The following MCF2L variants were observed in gnomAD, a reference collection of about 807,000 sequenced individuals.
MCF2L encodes MCF.2 cell line derived transforming sequence like.
A neutral mutation model predicts 153.4 loss-of-function variants in MCF2L; 97 were observed. The ratio of observed to expected loss-of-function variants is 0.63; its 90% CI spans 0.54 to 0.75. The LOEUF is 0.75. Ranked by LOEUF, MCF2L falls within the 30% of genes least tolerant of loss-of-function variation. MCF2L has a pLI of 0.00. For synonymous variants in MCF2L, 659 were observed against 632.2 expected, an observed-to-expected ratio of 1.04 and a Z score of -0.64; for missense variants, 1,347 against 1,495.2, an observed-to-expected ratio of 0.90 and a Z score of 1.64.
intron 1 of MCF2L, chr13:112,985,237 T>G: frequency 2.6e-6 from 1 of 381,114 alleles, no homozygotes; most frequent in Non-Finnish European, 5.4e-6. Flanking sequence ...CTGTCCCAGG[T>G]AGTGGGTGAA....
At position 113,027,874 on chromosome 13, in the gene MCF2L, G is replaced by A. The variant is rs2141327647; in HGVS notation, c.278+3116G>A. 6.6e-6 allele frequency among the ~76,000 whole-genome samples: 1 copy of A among 152,346 alleles called. No homozygotes were observed. Among genetic ancestry groups the A allele is most frequent in the South Asian group, 2.1e-4 (1 of 4,824 alleles). On this transcript the variant is annotated intron_variant, in intron 3 of 29. Transcript: ENST00000535094. The surrounding 1 kb of genome is among the most constrained non-coding windows in gnomAD (Gnocchi z 4.8). ...TACCCCGAGGACGTAGGCTCCAGGT[G>A]TGCTGTGGCCAGAGGGGTGTCCTGG... is the stretch of plus-strand genomic sequence containing the variant.
At chr13:112,921,317 A>G (rs1200880929) in intron 2 of MCF2L, among the ~76,000 whole-genome samples, 1 of 152,258 alleles carries the variant, frequency 6.6e-6, no homozygotes, top group Non-Finnish European at 1.5e-5. Flanking sequence ...TTGATGCCTA[A>G]CAACGCAGAA....
At chr13:113,021,869 C>A (rs879456187) in intron 2 of MCF2L, among the ~76,000 whole-genome samples, 5 of 152,196 alleles carry the variant, frequency 3.3e-5, no homozygotes, top group Non-Finnish European at 7.4e-5. Context: ...TGTGGTGGAG[C>A]ACAGAGAGTT....
At position 113,086,190 on chromosome 13, in the gene MCF2L, C is replaced by T. The variant is rs1221823872; in HGVS notation, c.2314C>T (p.Leu772=). 1.2e-6 allele frequency: 2 copies of T among 1,611,268 alleles called. No homozygotes were observed. Among genetic ancestry groups the T allele is most frequent in the African/African-American group, 2.7e-5 (2 of 74,748 alleles). ...CCTGCAGGAGGCGCTGAGCTCCATC[C>T]TGGGCATCCTGAAGGCCGTGAACGA... The part of the protein sequence containing the change: ...EDLQEALSSI[L]GILKAVNDSM... Residue 772 remains leucine, a synonymous_variant, in exon 21 of 30, where the codon CTG becomes TTG. Transcript: ENST00000535094.
intron 2 of MCF2L, among the ~76,000 whole-genome samples, chr13:112,952,039 T>G (rs2081699594): frequency 6.6e-6 from 1 of 152,238 alleles, no homozygotes; most frequent in Non-Finnish European, 1.5e-5. Context: ...AATCAATATT[T>G]GCTTCAGATT....
At chr13:113,066,680 C>G (rs1297074061) in intron 8 of MCF2L, among the ~76,000 whole-genome samples, 1 of 152,122 alleles carries the variant, frequency 6.6e-6, no homozygotes, top group African/African-American at 2.4e-5. Context: ...TCCAGAACTC[C>G]CTGAGCATCC....
At position 113,086,214 on chromosome 13, in the gene MCF2L, G is replaced by C. The variant is rs2034622168; in HGVS notation, c.2338G>C (p.Asp780His). 6.2e-7 allele frequency: 1 copy of C among 1,610,334 alleles called. No individual in the cohort carries two copies. The change falls in exon 21 of 30, where the codon GAC (aspartate) becomes CAC (histidine). Residue 780 changes from aspartate to histidine, a missense_variant. By Grantham distance (81) the Asp-to-His change is moderately conservative. Around this residue, in one of 3 missense-constraint regions of MCF2L, gnomAD observed 144 missense variants for 238.7 expected, o/e 0.60. Transcript: ENST00000535094. Reference sequence around the variant, plus strand: ...CCTGGGCATCCTGAAGGCCGTGAACGACTCCATGCACCTCATCGCTATCAC... The same window carrying C: ...CCTGGGCATCCTGAAGGCCGTGAACCACTCCATGCACCTCATCGCTATCAC... Reference protein sequence around the residue: ...SILGILKAVNDSMHLIAITGY... With the variant: ...SILGILKAVNHSMHLIAITGY...
intron 5 of MCF2L, among the ~76,000 whole-genome samples, chr13:113,061,208 G>T (rs2031352170): frequency 6.6e-6 from 1 of 152,110 alleles, no homozygotes; most frequent in Non-Finnish European, 1.5e-5. Context: ...CCAACAGGGT[G>T]ACCCCTGCCC....
chr13:112,902,045 GAGA>G (rs1318005977), intron 1 of MCF2L: 1 of 628,724 alleles, frequency 1.6e-6, no homozygotes, highest in Non-Finnish European at 2.8e-6. Flanking sequence ...AAATTGACCG[GAGA>G]AGAATGAATT....
At chr13:112,952,757 G>T (rs2993342) in intron 2 of MCF2L, among the ~76,000 whole-genome samples, 45,974 of 152,114 alleles carry the variant, frequency 0.3, 7,480 homozygotes, top group East Asian at 0.6. Flanking sequence ...TGGGACTGGA[G>T]TCATGTGGAG....
At chr13:113,034,551 CCTGGT>C (rs2086014325) in intron 3 of MCF2L, among the ~76,000 whole-genome samples, 10 of 151,836 alleles carry the variant, frequency 6.6e-5, no homozygotes, top group Non-Finnish European at 1.5e-4. Context: ...TCACCCTCGC[CCTGGT>C]CTCACCCTCG....
At chr13:112,914,092 C>CT (rs949546555) in intron 2 of MCF2L, among the ~76,000 whole-genome samples, 31 of 152,106 alleles carry the variant, frequency 2.0e-4, no homozygotes, top group African/African-American at 7.2e-4. Context: ...TTCCTTCTTT[C>CT]TTTTTTGGGT....
At position 113,070,224 on chromosome 13, in the gene MCF2L, C is replaced by T. The variant is rs770343738; in HGVS notation, c.996+51C>T. ...AGCCGCCCTGATGCTCACGGGGCCT[C>T]CTGTGCCTGCGCCCTGGTCCCAGTG... On this transcript the variant is annotated intron_variant, in intron 9 of 29. Coordinates refer to ENST00000535094, the MANE Select transcript of MCF2L (RefSeq NM_001112732.3). This position sits in a 1 kb window ranked among gnomAD's most constrained non-coding sequence, Gnocchi z 5.6. The T allele has an allele frequency of 3.1e-6, 4 of 1,276,734 alleles. No homozygotes were observed. Among genetic ancestry groups the T allele is most frequent in the Non-Finnish European group, 4.3e-6 (4 of 930,988 alleles). 79.1% of individuals were successfully genotyped at this position (1,276,734 alleles called of 1,614,324 possible).
intron 4 of MCF2L, among the ~76,000 whole-genome samples, chr13:113,051,217 C>T (rs1026392071): frequency 7.2e-5 from 11 of 152,166 alleles, no homozygotes; most frequent in African/African-American, 2.7e-4. Context: ...GTTCACCAAC[C>T]GCCGATTACA....
At chr13:113,089,788 T>G in intron 26 of MCF2L, 60 bp downstream of exon 26, 1 of 1,593,452 alleles carries the variant, frequency 6.3e-7, no homozygotes, top group Non-Finnish European at 8.6e-7. Context: ...GCTCACGGAG[T>G]GCTCACTGCA....
At chr13:113,012,137 A>T (rs113475642) in intron 1 of MCF2L, among the ~76,000 whole-genome samples, 1 of 80,554 alleles carries the variant, frequency 1.2e-5, no homozygotes, top group Non-Finnish European at 2.6e-5. Flanking sequence ...GTGGACAGGC[A>T]GTGTGGACGG....
Position 113,064,826 on chromosome 13 carries a change from C to A in MCF2L, c.607-110C>A. On this transcript the variant is annotated intron_variant, in intron 6 of 29. Transcript: ENST00000535094. This position sits in a 1 kb window ranked among gnomAD's most constrained non-coding sequence, Gnocchi z 6.0. ...GTTCACCGTCTTTGCGTCAGCCGGT[C>A]TCACCTGATGGGTCTGTGTGGGAAC... 1.6e-6 allele frequency: 2 copies of A among 1,274,192 alleles called. No homozygotes were observed. Among genetic ancestry groups the A allele is most frequent in the Non-Finnish European group, 2.2e-6 (2 of 923,300 alleles). 78.9% of individuals were successfully genotyped at this position (1,274,192 alleles called of 1,614,324 possible).
In MCF2L at chr13:113,035,854, C is replaced by T. The variant is rs1365210800; in HGVS notation, c.279-9417C>T. 6.6e-6 allele frequency among the ~76,000 whole-genome samples: 1 copy of T among 152,188 alleles called. No homozygotes were observed. Among genetic ancestry groups the T allele is most frequent in the East Asian group, 1.9e-4 (1 of 5,194 alleles). Reference sequence around the variant, plus strand: ...ACTTCTGCGTTCCTCAGTTTCTGCACGTTTAAAATGGCAGAGGCCCCTTTG... The same window carrying T: ...ACTTCTGCGTTCCTCAGTTTCTGCATGTTTAAAATGGCAGAGGCCCCTTTG... On this transcript the variant is annotated intron_variant, in intron 3 of 29. Coordinates refer to ENST00000535094, the MANE Select transcript of MCF2L (RefSeq NM_001112732.3). The surrounding 1 kb of genome is among the most constrained non-coding windows in gnomAD (Gnocchi z 4.4).
intron 2 of MCF2L, among the ~76,000 whole-genome samples, chr13:112,959,267 C>T (rs909749349): frequency 3.9e-5 from 6 of 152,114 alleles, no homozygotes; most frequent in Non-Finnish European, 8.8e-5. Flanking sequence ...CCCCGTCCTC[C>T]GGGTCTCTCC....
Sources: allele counts gnomAD v4.1 joint callset (sites outside exome capture counted in the v4.1 genomes callset), GRCh38; gene constraint gnomAD v4.1.1; regional missense constraint gnomAD v4.1.1; non-coding constraint Gnocchi (gnomAD v3.1); transcripts MANE v1.5; gene names NCBI Gene and HGNC (gene_info 2026-07-23, HGNC 2026-07-21).